The following MYO1D variants were observed in gnomAD, a reference collection of about 807,000 sequenced individuals.
The protein encoded by MYO1D is myosin ID.
In MYO1D, 83 loss-of-function variants were observed where a neutral mutation model predicts 122.0. The ratio of observed to expected loss-of-function variants is 0.68; its 90% confidence interval spans 0.57 to 0.82. The LOEUF (loss-of-function observed/expected upper bound fraction) is 0.82. MYO1D is among the 40% of genes least tolerant of loss of function. The pLI, the probability that MYO1D is intolerant of heterozygous loss-of-function variation, is 0.00. For missense variants in MYO1D, 1,157 were observed against 1,269.5 expected (o/e 0.91, Z 1.35); for synonymous variants, 464 against 446.9 (o/e 1.04, Z -0.48).
intron 1 of MYO1D, among the ~76,000 whole-genome samples, chr17:32,795,763 A>C (rs936399241): frequency 6.6e-6 from 1 of 152,178 alleles, no homozygotes. Context: ...GTCCGCCTGA[A>C]GACAAGTACT....
At chr17:32,822,138 T>C (rs1160082826) in intron 1 of MYO1D, among the ~76,000 whole-genome samples, 1 of 53,734 alleles carries the variant, frequency 1.9e-5, no homozygotes, top group African/African-American at 5.4e-5. Context: ...TGTCCAACAA[T>C]GATAGACTGG....
At chr17:32,847,538 C>G (rs2151078818) in intron 1 of MYO1D, among the ~76,000 whole-genome samples, 1 of 152,308 alleles carries the variant, frequency 6.6e-6, no homozygotes, top group Middle Eastern at 3.4e-3. Context: ...TATTTTGAGA[C>G]TGAGTCTCAC....
At chr17:32,596,222 G>A (rs1443047580) in intron 21 of MYO1D, among the ~76,000 whole-genome samples, 2 of 152,192 alleles carry the variant, frequency 1.3e-5, no homozygotes, top group African/African-American at 4.8e-5. Flanking sequence ...TTTGCTTATG[G>A]AATATAAACT....
At chr17:32,864,055 A>G (rs2091103103) in intron 1 of MYO1D, among the ~76,000 whole-genome samples, 1 of 92,410 alleles carries the variant, frequency 1.1e-5, no homozygotes, top group African/African-American at 4.3e-5. Flanking sequence ...GGTGTTTGCA[A>G]GAATAAAAGC....
chr17:32,772,868 T>A (rs2090131422), intron 4 of MYO1D, 26 bp from the exon 5 acceptor site: 1 of 1,603,850 alleles, frequency 6.2e-7, no homozygotes, highest in African/African-American at 1.3e-5. Flanking sequence ...TTAAAATGGT[T>A]AACCCGAAAA....
At chr17:32,755,384 T>C in intron 11 of MYO1D, 108 bp downstream of exon 11, 1 of 1,186,148 alleles carries the variant, frequency 8.4e-7, no homozygotes, top group Non-Finnish European at 1.2e-6. Flanking sequence ...TTTTCTTTCT[T>C]ATTAAAGGGG....
chr17:32,577,596 A>G (rs149243991), intron 21 of MYO1D, among the ~76,000 whole-genome samples: 60 of 152,164 alleles, frequency 3.9e-4, no homozygotes, highest in African/African-American at 1.4e-3. Context: ...ACTAACAGCA[A>G]TACTGAGCTT....
rs2088521373 is a variant in MYO1D at position 32,659,265 on chromosome 17, C to T, written c.2195G>A (p.Arg732Gln). 1.2e-6 allele frequency: 2 copies of T among 1,614,078 alleles called. No individual in the cohort carries two copies. Among genetic ancestry groups the T allele is most frequent in the Non-Finnish European group, 8.5e-7 (1 of 1,180,054 alleles). ...GATGTACGACTTCACTTTGTAGCGC[C>T]GGTAGTACCTGATTATTGTCAGAGC... Reference protein sequence around the residue: ...KAALTIIRYYRRYKVKSYIHE... With the variant: ...KAALTIIRYYQRYKVKSYIHE... The change falls in exon 17 of 22, where the codon CGG becomes CAG. Residue 732 changes from arginine to glutamine, a missense_variant. Physicochemically the swap from Arg to Gln is conservative, Grantham distance 43. Coordinates refer to ENST00000318217, the MANE Select transcript of MYO1D (RefSeq NM_015194.3).
chr17:32,729,174 C>T (rs550698095), intron 14 of MYO1D, among the ~76,000 whole-genome samples: 6 of 150,706 alleles, frequency 4.0e-5, no homozygotes, highest in East Asian at 1.9e-4. Context: ...ATATATTTTA[C>T]GGGAAAAAAA....
chr17:32,532,736 A>AAG (rs1365495341), intron 21 of MYO1D, among the ~76,000 whole-genome samples: 1 of 151,832 alleles, frequency 6.6e-6, no homozygotes, highest in East Asian at 1.9e-4. Flanking sequence ...AAAAAAAAAA[A>AAG]AAAAAAACCA....
chr17:32,684,272 C>G (rs9895589), intron 16 of MYO1D: 8,674 of 153,078 alleles, frequency 0.057, 783 homozygotes, highest in African/African-American at 0.19. Flanking sequence ...GCTCCTCCCC[C>G]ATCTTTTTAA....
chr17:32,831,274 C>G (rs572216024), intron 1 of MYO1D, among the ~76,000 whole-genome samples: 2 of 152,228 alleles, frequency 1.3e-5, no homozygotes, highest in East Asian at 3.9e-4. Context: ...ACATGATATT[C>G]GCTTGGAGGA....
chr17:32,517,698 A>C (rs1325153403), intron 21 of MYO1D, among the ~76,000 whole-genome samples: 1 of 152,224 alleles, frequency 6.6e-6, no homozygotes, highest in African/African-American at 2.4e-5. Context: ...GCTTTGCTTC[A>C]GATAAATGCT....
At chr17:32,578,913 A>T (rs1347172291) in intron 21 of MYO1D, among the ~76,000 whole-genome samples, 3 of 152,024 alleles carry the variant, frequency 2.0e-5, no homozygotes, top group Non-Finnish European at 4.4e-5. Flanking sequence ...CTTCAGACTC[A>T]TTTACATTCC....
chr17:32,640,178 A>G (rs1216108491), intron 19 of MYO1D, among the ~76,000 whole-genome samples: 1 of 152,116 alleles, frequency 6.6e-6, no homozygotes, highest in Non-Finnish European at 1.5e-5. Context: ...TTGAGAGTAA[A>G]ATAGAATCTA....
At chr17:32,573,563 A>C (rs1228605696) in intron 21 of MYO1D, among the ~76,000 whole-genome samples, 3 of 151,856 alleles carry the variant, frequency 2.0e-5, no homozygotes, top group African/African-American at 7.3e-5. Context: ...TCTGTTACCG[A>C]GGCTGGAGTG....
intron 21 of MYO1D, among the ~76,000 whole-genome samples, chr17:32,500,165 C>T (rs2150852151): frequency 6.6e-6 from 1 of 152,306 alleles, no homozygotes; most frequent in South Asian, 2.1e-4. Flanking sequence ...GGCTGGGCCA[C>T]AGGTTCTGGA....
intron 21 of MYO1D, chr17:32,523,520 C>G (rs1278096897): frequency 6.6e-6 from 1 of 152,164 alleles, no homozygotes; most frequent in Non-Finnish European, 1.5e-5. Flanking sequence ...CAGAAAAGCT[C>G]TCCACAGGAG....
At chr17:32,847,263 C>G (rs1240954907) in intron 1 of MYO1D, among the ~76,000 whole-genome samples, 1 of 152,156 alleles carries the variant, frequency 6.6e-6, no homozygotes, top group Non-Finnish European at 1.5e-5. Context: ...AACTATCATG[C>G]AATTTTCAAT....
Sources: allele counts gnomAD v4.1 joint callset (sites outside exome capture counted in the v4.1 genomes callset), GRCh38; gene constraint gnomAD v4.1.1; transcripts MANE v1.5; gene names NCBI Gene and HGNC (gene_info 2026-07-23, HGNC 2026-07-21).